Variants in N4BP1 observed in about 807,000 individuals in gnomAD.
The protein encoded by N4BP1 is NEDD4 binding protein 1.
Under a neutral mutation model 70.9 loss-of-function variants are expected in N4BP1, and 21 were observed. The ratio of observed to expected loss-of-function variants is 0.30; its 90% confidence interval spans 0.21 to 0.43. The LOEUF (loss-of-function observed/expected upper bound fraction) is 0.43. Among genes scored for constraint, N4BP1 ranks in the 20% least tolerant of loss-of-function variants. The pLI is 1.00. For missense variants in N4BP1, 936 were observed against 1,069.4 expected, an observed-to-expected ratio of 0.88 and a Z score of 1.74; for synonymous variants, 387 against 394.6, an observed-to-expected ratio of 0.98 and a Z score of 0.23.
intron 1 of N4BP1, among the ~76,000 whole-genome samples, chr16:48,565,934 T>C (rs1229749519): frequency 6.6e-6 from 1 of 152,202 alleles, no homozygotes; most frequent in Admixed American, 6.5e-5. Context: ...TGTAGTTTTC[T>C]TATCTTTTTG....
At position 48,560,954 on chromosome 16, in the gene N4BP1, T is replaced by G; in HGVS notation, c.1689A>C (p.Pro563=). The part of the protein sequence containing the change: ...HSKPNCSTLS[P]PMPLPQLLPS... ...GTAACAGCTGGGGCAGTGGCATTGGTGGAGAAAGGGTTGAGCAATTTGGCT... is the reference window on the plus strand; with the variant it reads ...GTAACAGCTGGGGCAGTGGCATTGGGGGAGAAAGGGTTGAGCAATTTGGCT... Residue 563 remains proline (P), a synonymous_variant, in exon 2 of 7, where the codon CCA becomes CCC. Transcript: ENST00000262384. 1 of 1,613,846 alleles carries G rather than the reference T, an allele frequency of 6.2e-7. No homozygotes were observed. The highest frequency in any genetic ancestry group is 8.5e-7 in the Non-Finnish European group (1 of 1,179,852).
At chr16:48,590,882 G>A (rs1964327046) in intron 1 of N4BP1, among the ~76,000 whole-genome samples, 1 of 151,776 alleles carries the variant, frequency 6.6e-6, no homozygotes, top group Non-Finnish European at 1.5e-5. Context: ...TCCTTAATTA[G>A]TAGGAAGAGT....
rs1056689242 is a variant in N4BP1, at chr16:48,541,765, C to G, written c.*1139G>C. The G allele has an allele frequency of 6.6e-6, 1 of 152,636 alleles. No individual in the cohort carries two copies. The highest frequency in any genetic ancestry group is 1.5e-5 in the Non-Finnish European group (1 of 68,054). The allele number at this position is 152,636 out of a possible 1,614,324, so 9.5% of individuals were successfully genotyped here. On this transcript the variant is annotated 3_prime_UTR_variant, in exon 7 of 7. Coordinates refer to ENST00000262384, the MANE Select transcript of N4BP1 (RefSeq NM_153029.4). ...CACTGAATTTGGGCAACACCTAGAA[C>G]AGACAATATTAAGATATCAATTCTG...
At chr16:48,564,144 G>A (rs1963903551) in intron 1 of N4BP1, among the ~76,000 whole-genome samples, 1 of 152,012 alleles carries the variant, frequency 6.6e-6, no homozygotes, top group South Asian at 2.1e-4. Context: ...TCAAATATGT[G>A]GCTTGCAGAT....
In N4BP1 at chr16:48,546,263, C is replaced by G; in HGVS notation, c.2226-9G>C. On this transcript the variant is annotated splice_polypyrimidine_tract_variant and intron_variant, in intron 5 of 6. Coordinates refer to ENST00000262384, the MANE Select transcript of N4BP1 (RefSeq NM_153029.4). ...ACGTGTACTGCAGCAGCCTACAACA[C>G]AGAACACCATGAGGCTGAGAGACAG... is the stretch of plus-strand genomic sequence containing the variant. 1 of 1,586,068 alleles carries G rather than the reference C, an allele frequency of 6.3e-7. No homozygotes were observed. The highest frequency in any genetic ancestry group is 8.6e-7 in the Non-Finnish European group (1 of 1,165,130).
intron 1 of N4BP1, among the ~76,000 whole-genome samples, chr16:48,582,857 G>T (rs1964193414): frequency 6.6e-6 from 1 of 152,174 alleles, no homozygotes; most frequent in Non-Finnish European, 1.5e-5. Context: ...ACTTGGGGAG[G>T]CCAGGAGTTT....
intron 1 of N4BP1, among the ~76,000 whole-genome samples, chr16:48,597,769 G>C (rs933119534): frequency 1.3e-5 from 2 of 152,070 alleles, no homozygotes; most frequent in African/African-American, 4.8e-5. Context: ...TCGTCATCTA[G>C]TGGCCCTACA....
intron 1 of N4BP1, among the ~76,000 whole-genome samples, chr16:48,567,855 A>C (rs1316784624): frequency 6.6e-6 from 1 of 152,168 alleles, no homozygotes; most frequent in Admixed American, 6.5e-5. Context: ...GGTGGTCCCC[A>C]GCTTGTCTGG....
At position 48,539,454 on chromosome 16, in the gene N4BP1, C is replaced by T. The variant is rs1486679203; in HGVS notation, c.*3450G>A. 3.3e-5 allele frequency: 5 copies of T among 152,470 alleles called. No individual in the cohort carries two copies. Among genetic ancestry groups the T allele is most frequent in the African/African-American group, 1.2e-4 (5 of 41,378 alleles). The allele number at this position is 152,470 out of a possible 1,614,324, so 9.4% of individuals were successfully genotyped here. A position where few individuals can be genotyped will look rare whatever the true frequency, so the allele number is the denominator to read the frequency against. ...GGAGCCTGAGGATGTCATAGGGCTT[C>T]CTGGTAGAGTGGAAAGTGCACTCCT... On this transcript the variant is annotated 3_prime_UTR_variant, in exon 7 of 7. Transcript: ENST00000262384.
At chr16:48,602,894 G>C (rs1964525090) in intron 1 of N4BP1, among the ~76,000 whole-genome samples, 1 of 152,012 alleles carries the variant, frequency 6.6e-6, no homozygotes, top group Non-Finnish European at 1.5e-5. Context: ...GAGGTGGGAG[G>C]ATCACTTGAG....
At chr16:48,605,508 C>T (rs1432138493) in intron 1 of N4BP1, among the ~76,000 whole-genome samples, 1 of 152,164 alleles carries the variant, frequency 6.6e-6, no homozygotes, top group Non-Finnish European at 1.5e-5. Flanking sequence ...TCAATCCTCA[C>T]AATCCTTTGC....
At chr16:48,585,996 A>T (rs1964240982) in intron 1 of N4BP1, among the ~76,000 whole-genome samples, 1 of 152,132 alleles carries the variant, frequency 6.6e-6, no homozygotes, top group Admixed American at 6.5e-5. Flanking sequence ...GCGCCCGGCC[A>T]AACTTTTTGA....
intron 1 of N4BP1, among the ~76,000 whole-genome samples, chr16:48,567,043 T>C (rs1026092485): frequency 2.0e-5 from 3 of 152,242 alleles, no homozygotes; most frequent in African/African-American, 7.2e-5. Flanking sequence ...TAAATAATGT[T>C]TGCATGGCAC....
intron 5 of N4BP1, among the ~76,000 whole-genome samples, chr16:48,547,258 A>G (rs866101720): frequency 2.6e-5 from 4 of 152,182 alleles, no homozygotes; most frequent in African/African-American, 9.7e-5. Flanking sequence ...TTTATGTTTT[A>G]AGATTTCTGG....
At position 48,571,526 on chromosome 16, in the gene N4BP1, T is replaced by C. The variant is rs1964020335; in HGVS notation, c.199-9082A>G. 2.6e-5 allele frequency among the ~76,000 whole-genome samples: 4 copies of C among 152,048 alleles called. No individual in the cohort carries two copies. The South Asian group carries it at 8.3e-4, about 31-fold the overall frequency. On this transcript the variant is annotated intron_variant, in intron 1 of 6. Coordinates refer to ENST00000262384, the MANE Select transcript of N4BP1 (RefSeq NM_153029.4). ...TGGAGAACTGCAGGAAACTAGGTAA[T>C]GCAGGTCACAAAAGAAAACCTTCAC...
Position 48,578,281 on chromosome 16 carries a change from C to T in N4BP1, c.199-15837G>A, listed in dbSNP as rs764235852. 186 of 152,902 alleles carry T rather than the reference C, an allele frequency of 1.2e-3. 3 individuals are homozygous for T. Among genetic ancestry groups the T allele is most frequent in the East Asian group, 7.7e-4 (4 of 5,174 alleles). 9.5% of individuals were successfully genotyped at this position (152,902 alleles called of 1,614,324 possible). A position where few individuals can be genotyped will look rare whatever the true frequency, so the allele number is the denominator to read the frequency against. On this transcript the variant is annotated intron_variant, in intron 1 of 6. Coordinates refer to ENST00000262384, the MANE Select transcript of N4BP1 (RefSeq NM_153029.4). ...GCCAATGCGGAAGCCTCTGCAGTTC[C>T]TCATCCCAGGACCCCCAGGGGCTCT...
At chr16:48,550,178 G>A (rs1963645952) in intron 4 of N4BP1, among the ~76,000 whole-genome samples, 1 of 152,096 alleles carries the variant, frequency 6.6e-6, no homozygotes, top group East Asian at 1.9e-4. Context: ...ACCTACCTCG[G>A]TGTATCAGAT....
intron 1 of N4BP1, among the ~76,000 whole-genome samples, chr16:48,572,564 T>C (rs750904607): frequency 5.3e-4 from 81 of 152,204 alleles, no homozygotes; most frequent in Non-Finnish European, 1.1e-3. Context: ...CTATGGATTC[T>C]TTTCTTAGCA....
intron 3 of N4BP1, 122 bp from the exon 4 acceptor site, chr16:48,551,604 C>A: frequency 1.7e-6 from 1 of 580,814 alleles, no homozygotes; most frequent in Non-Finnish European, 2.9e-6. Context: ...TTTCTATTGA[C>A]TCAATTTTAC....
Sources: allele counts gnomAD v4.1 joint callset (sites outside exome capture counted in the v4.1 genomes callset), GRCh38; gene constraint gnomAD v4.1.1; transcripts MANE v1.5; gene names NCBI Gene and HGNC (gene_info 2026-07-23, HGNC 2026-07-21).